The following ST6GALNAC1 variants were observed in gnomAD, a reference collection of about 807,000 sequenced individuals.
ST6GALNAC1 encodes alpha-N-acetylgalactosaminide alpha-2,6-sialyltransferase 1.
In ST6GALNAC1, 45 loss-of-function variants were observed where a neutral mutation model predicts 56.8. The observed-to-expected ratio is 0.79, with a 90% CI of 0.62 to 1.02. The LOEUF (loss-of-function observed/expected upper bound fraction) is 1.02, where lower values mean the gene tolerates loss of function less well. Among genes scored for constraint, ST6GALNAC1 ranks in the 50% least tolerant of loss-of-function variants. ST6GALNAC1 has a pLI of 0.00. For synonymous variants in ST6GALNAC1, 295 were observed against 297.8 expected, an observed-to-expected ratio of 0.99 and a Z score of 0.10; for missense variants, 743 against 754.8, an observed-to-expected ratio of 0.98 and a Z score of 0.18.
chr17:76,621,186 C>CTT (rs775271169), downstream of ST6GALNAC1, among the ~76,000 whole-genome samples: 64 of 110,074 alleles, frequency 5.8e-4, 2 homozygotes, highest in African/African-American at 1.5e-3. Context: ...TTCTTTCTTT[C>CTT]TTTTTTTTTT....
intron 1 of ST6GALNAC1, among the ~76,000 whole-genome samples, chr17:76,643,190 T>C (rs548914279): frequency 6.6e-6 from 1 of 152,280 alleles, no homozygotes; most frequent in South Asian, 2.1e-4. Context: ...TTACTCACAG[T>C]CCCAGAGGGG....
chr17:76,632,497 C>T (rs192120000), intron 1 of ST6GALNAC1, among the ~76,000 whole-genome samples: 56 of 152,236 alleles, frequency 3.7e-4, no homozygotes, highest in Non-Finnish European at 6.6e-4. Context: ...CCTATTCAAC[C>T]GCAAATCTAC....
downstream of ST6GALNAC1, among the ~76,000 whole-genome samples, chr17:76,621,858 C>T (rs115897456): frequency 4.7e-3 from 710 of 152,108 alleles, 9 homozygotes; most frequent in African/African-American, 0.017. Flanking sequence ...CTCTCTGAAC[C>T]TTTACTGGTT....
intron 1 of ST6GALNAC1, among the ~76,000 whole-genome samples, chr17:76,631,795 A>G (rs1382469169): frequency 6.6e-6 from 1 of 151,960 alleles, no homozygotes; most frequent in Admixed American, 6.6e-5. Context: ...CACATACTAC[A>G]TGACATTCTG....
At chr17:76,620,229 G>A (rs573272224), downstream of ST6GALNAC1, among the ~76,000 whole-genome samples, 3 of 145,646 alleles carry the variant, frequency 2.1e-5, no homozygotes, top group Non-Finnish European at 3.0e-5. Context: ...TAGTGGAGAC[G>A]GGGTTTCTTT....
At position 76,627,715 on chromosome 17, in the gene ST6GALNAC1, C is replaced by T. The variant is rs2075825610; in HGVS notation, c.832-132G>A. ...CCTCTGCTACCTCTTCCATTCTGTTCTCAGGGTCTGCTTACCCTCCCCTTC... is the reference window on the plus strand; with the variant it reads ...CCTCTGCTACCTCTTCCATTCTGTTTTCAGGGTCTGCTTACCCTCCCCTTC... On this transcript the variant is annotated intron_variant, in intron 2 of 8. Coordinates refer to ENST00000156626, the MANE Select transcript of ST6GALNAC1 (RefSeq NM_018414.5). This position sits in a 1 kb window ranked among gnomAD's most constrained non-coding sequence, Gnocchi z 4.4. 3.8e-6 allele frequency: 3 copies of T among 785,442 alleles called. No homozygotes were observed. The highest frequency in any genetic ancestry group is 2.7e-5 in the Admixed American group (1 of 37,234). 48.7% of individuals were successfully genotyped at this position (785,442 alleles called of 1,614,324 possible). A position where few individuals can be genotyped will look rare whatever the true frequency, so the allele number is the denominator to read the frequency against.
chr17:76,635,548 A>G (rs180979123), intron 1 of ST6GALNAC1, among the ~76,000 whole-genome samples: 9 of 152,228 alleles, frequency 5.9e-5, no homozygotes, highest in Admixed American at 1.3e-4. Context: ...GAGGCAGGAG[A>G]ATTGTTTGAG....
the ST6GALNAC1 span, among the ~76,000 whole-genome samples, chr17:76,617,633 T>C: frequency 0.045 from 6,811 of 152,060 alleles, 181 homozygotes; most frequent in Middle Eastern, 0.055. Context: ...TTATCAGGTG[T>C]GGTGACATGC....
chr17:76,626,022 G>A lies in ST6GALNAC1; in HGVS notation c.1489C>T (p.Arg497Ter), dbSNP rs201736626. The A allele has an allele frequency of 5.4e-5, 87 of 1,614,142 alleles. No individual in the cohort carries two copies. Among genetic ancestry groups the A allele is most frequent in the East Asian group, 6.7e-5 (3 of 44,888 alleles). The change falls in exon 7 of 9, where the codon CGA becomes TGA. Residue 497 changes from arginine to a stop codon, truncating the protein, a stop_gained. Coordinates refer to ENST00000156626, the MANE Select transcript of ST6GALNAC1 (RefSeq NM_018414.5). LOFTEE classifies it high-confidence loss of function. ...RYLLLHPDFL[R>*]YMKNRFLRSK... ...TGCTCTAACCTGTTCTTCATGTATCGGAGAAAGTCTGGGTGCAGCAACAGG... is the reference window on the plus strand; with the variant it reads ...TGCTCTAACCTGTTCTTCATGTATCAGAGAAAGTCTGGGTGCAGCAACAGG...
the ST6GALNAC1 span, among the ~76,000 whole-genome samples, chr17:76,617,793 A>G: frequency 6.6e-6 from 1 of 152,076 alleles, no homozygotes; most frequent in Non-Finnish European, 1.5e-5. Flanking sequence ...AAGAAAGAAA[A>G]AAAATTTGCT....
At chr17:76,622,913 C>A (rs1276622668), downstream of ST6GALNAC1, among the ~76,000 whole-genome samples, 3 of 152,138 alleles carry the variant, frequency 2.0e-5, no homozygotes, top group Non-Finnish European at 4.4e-5. Flanking sequence ...CCTGCCTCAG[C>A]CTCCAGAGTA....
chr17:76,641,999 T>G (rs2076053839), intron 1 of ST6GALNAC1: 1 of 56,498 alleles, frequency 1.8e-5, no homozygotes, highest in East Asian at 5.0e-4. Flanking sequence ...TATATGTAAA[T>G]CTATATGATA....
At chr17:76,630,443 A>G (rs993613221) in intron 1 of ST6GALNAC1, among the ~76,000 whole-genome samples, 1 of 151,998 alleles carries the variant, frequency 6.6e-6, no homozygotes. Flanking sequence ...AAAGCAACAC[A>G]TTTATTCAGG....
intron 1 of ST6GALNAC1, among the ~76,000 whole-genome samples, chr17:76,632,208 A>G (rs2075912550): frequency 6.6e-6 from 1 of 152,028 alleles, no homozygotes; most frequent in Non-Finnish European, 1.5e-5. Context: ...TCCCTTCCAA[A>G]CTCCGGCAGC....
Position 76,626,917 on chromosome 17 carries a change from G to A in ST6GALNAC1, c.1173-128C>T, listed in dbSNP as rs1216847176. On this transcript the variant is annotated intron_variant, in intron 4 of 8. Transcript: ENST00000156626. Reference sequence around the variant, plus strand: ...TGCGGAAATTCTCTCGAGAGCCCAGGAATTCCACCTTCCAGATGCAGGCGT... The same window carrying A: ...TGCGGAAATTCTCTCGAGAGCCCAGAAATTCCACCTTCCAGATGCAGGCGT... The A allele has an allele frequency of 4.7e-6, 7 of 1,477,034 alleles. No individual in the cohort carries two copies. The Admixed American group carries it at 5.5e-5, about 12-fold the overall frequency. The allele number at this position is 1,477,034 out of a possible 1,614,324, so 91.5% of individuals were successfully genotyped here.
intron 2 of ST6GALNAC1, among the ~76,000 whole-genome samples, chr17:76,628,046 G>A (rs1314624621): frequency 3.4e-5 from 5 of 147,276 alleles, no homozygotes; most frequent in Non-Finnish European, 4.5e-5. Context: ...GCAGTGAGCC[G>A]AGATTGCGCC....
chr17:76,626,563 C>A, intron 5 of ST6GALNAC1, 88 bp downstream of exon 5: 1 of 1,581,918 alleles, frequency 6.3e-7, no homozygotes, highest in Non-Finnish European at 8.6e-7. Flanking sequence ...AGACTCCATC[C>A]GGATGAAAGC....
chr17:76,627,442 AG>A lies in ST6GALNAC1; in HGVS notation c.972del (p.Phe325LeufsTer15), dbSNP rs1343286759. 8 of 1,614,084 alleles carry A rather than the reference AG, an allele frequency of 5.0e-6. No individual in the cohort carries two copies. The highest frequency in any genetic ancestry group is 1.3e-5 in the African/African-American group (1 of 74,946). ...EWDRLEHFAP[P>X]FGFMELNYSL... ...GAGTAGTTGAGCTCCATGAAGCCAA[AG>A]GGTGGTGCAAAGTGTTCCAGGCGGT... On this transcript the variant is annotated frameshift_variant, in exon 3 of 9. Transcript: ENST00000156626. LOFTEE classifies it high-confidence loss of function. This position sits in a 1 kb window ranked among gnomAD's most constrained non-coding sequence, Gnocchi z 4.4.
chr17:76,641,120 G>A (rs2076042823), intron 1 of ST6GALNAC1, among the ~76,000 whole-genome samples: 1 of 152,168 alleles, frequency 6.6e-6, no homozygotes, highest in African/African-American at 2.4e-5. Context: ...TCCTTGAAAA[G>A]TAAGAAATGA....
Sources: allele counts gnomAD v4.1 joint callset (sites outside exome capture counted in the v4.1 genomes callset), GRCh38; gene constraint gnomAD v4.1.1; non-coding constraint Gnocchi (gnomAD v3.1); transcripts MANE v1.5; gene names NCBI Gene and HGNC (gene_info 2026-07-23, HGNC 2026-07-21).